The following OTOF variants were observed in gnomAD, a reference collection of about 807,000 sequenced individuals.
The protein encoded by OTOF is otoferlin.
In OTOF, 218 loss-of-function variants were observed where a neutral mutation model predicts 236.8. That is an observed-to-expected ratio of 0.92 (90% CI 0.82 to 1.03). The LOEUF (loss-of-function observed/expected upper bound fraction) is 1.03, where lower values mean the gene tolerates loss of function less well. Among genes scored for constraint, OTOF ranks in the 50% least tolerant of loss-of-function variants. The pLI is 0.00. For synonymous variants in OTOF, 1,041 were observed against 1,072.5 expected (o/e 0.97, Z 0.57); for missense variants, 2,590 against 2,694.4 (o/e 0.96, Z 0.86).
intron 5 of OTOF, among the ~76,000 whole-genome samples, chr2:26,512,172 G>A (rs975362334): frequency 5.9e-5 from 9 of 152,318 alleles, no homozygotes; most frequent in African/African-American, 1.4e-4. Context: ...GGTGGGGGTC[G>A]TGGAGGGCAG....
chr2:26,509,261 AC>A (rs764291185), intron 5 of OTOF, among the ~76,000 whole-genome samples: 2 of 151,944 alleles, frequency 1.3e-5, no homozygotes, highest in African/African-American at 2.4e-5. Context: ...ACCCTTGAGG[AC>A]TCCCTAAGAG....
chr2:26,527,895 C>G lies in OTOF; in HGVS notation c.164G>C (p.Ser55Thr). ...CTCCAGCATCTCATTTCTGTCGATG[C>G]TGCTGGCCACCGGCCACCGAAATGT... Reference protein sequence around the residue: ...DETFRWPVASSIDRNEMLEIQ... With the variant: ...DETFRWPVASTIDRNEMLEIQ... The change falls in exon 3 of 47, where the codon AGC (serine) becomes ACC (threonine). Residue 55 changes from serine to threonine, a missense_variant. By Grantham distance (58) the Ser-to-Thr change is moderately conservative. Coordinates refer to ENST00000272371, the MANE Select transcript of OTOF (RefSeq NM_194248.3). The G allele has an allele frequency of 6.2e-7, 1 of 1,614,082 alleles. No homozygotes were observed. The highest frequency in any genetic ancestry group is 8.5e-7 in the Non-Finnish European group (1 of 1,179,934).
At chr2:26,506,884 G>A (rs924486154) in intron 5 of OTOF, among the ~76,000 whole-genome samples, 5 of 152,118 alleles carry the variant, frequency 3.3e-5, no homozygotes, top group South Asian at 4.2e-4. Flanking sequence ...CCAGTTACTC[G>A]GGAGGCTGAG....
chr2:26,512,279 G>A (rs1488565466), intron 5 of OTOF, among the ~76,000 whole-genome samples: 1 of 152,226 alleles, frequency 6.6e-6, no homozygotes, highest in African/African-American at 2.4e-5. Context: ...TTAGCTGCAA[G>A]ACTAAAGCTG....
intron 8 of OTOF, among the ~76,000 whole-genome samples, chr2:26,501,208 T>A (rs1350481978): frequency 2.6e-5 from 4 of 152,164 alleles, no homozygotes. Context: ...CCTCTCTTTG[T>A]CTCAGTCTTT....
At chr2:26,502,953 T>C (rs1666152635) in intron 6 of OTOF, among the ~76,000 whole-genome samples, 1 of 152,258 alleles carries the variant, frequency 6.6e-6, no homozygotes, top group Non-Finnish European at 1.5e-5. Context: ...TGTATTCATC[T>C]AATGAGATGC....
At chr2:26,534,870 G>T (rs1174144080) in intron 2 of OTOF, among the ~76,000 whole-genome samples, 5 of 152,192 alleles carry the variant, frequency 3.3e-5, no homozygotes, top group African/African-American at 4.8e-5. Flanking sequence ...AAGTCAAGAA[G>T]GTTCAGGGGG....
Position 26,474,680 on chromosome 2 carries a change from G to A in OTOF, c.3127-6C>T, listed in dbSNP as rs779836763. ...CCCATGAAGTCAGCTTTGCCCTGAC[G>A]CAACAGACAACCCAGAAGCCTCTTG... On this transcript the variant is annotated splice_region_variant and splice_polypyrimidine_tract_variant and intron_variant, in intron 25 of 46. Transcript: ENST00000272371. The A allele has an allele frequency of 3.1e-6, 5 of 1,613,138 alleles. No homozygotes were observed. The highest frequency in any genetic ancestry group is 1.7e-5 in the Admixed American group (1 of 60,000).
At chr2:26,487,233 G>T (rs1397902016) in intron 11 of OTOF, among the ~76,000 whole-genome samples, 1 of 152,132 alleles carries the variant, frequency 6.6e-6, no homozygotes, top group Non-Finnish European at 1.5e-5. Flanking sequence ...GTCCAACAAT[G>T]CCCTGGCTGG....
intron 11 of OTOF, among the ~76,000 whole-genome samples, chr2:26,488,051 T>C (rs533084989): frequency 3.0e-4 from 45 of 152,350 alleles, no homozygotes; most frequent in African/African-American, 9.9e-4. Flanking sequence ...GAGTGTTCTA[T>C]GATCTTGTGA....
At position 26,479,605 on chromosome 2, in the gene OTOF, C is replaced by G. The variant is rs184605839; in HGVS notation, c.1961G>C (p.Arg654Pro). 5 of 1,612,306 alleles carry G rather than the reference C, an allele frequency of 3.1e-6. No individual in the cohort carries two copies. The highest frequency in any genetic ancestry group is 4.2e-6 in the Non-Finnish European group (5 of 1,179,730). Residue 654 changes from arginine (R) to proline (P), a missense_variant, in exon 17 of 47, where the codon CGG becomes CCG. By Grantham distance (103) the Arg-to-Pro change is moderately radical. This residue lies in a region of OTOF where 1,379 missense variants were observed against 1,341.6 expected (regional missense o/e 1.03). Coordinates refer to ENST00000272371, the MANE Select transcript of OTOF (RefSeq NM_194248.3). ...CTCATCCCCCGGCTCCTTCCGGGGC[C>G]GAGGCCGCTGGGGCCGGGACAGGCC... The part of the protein sequence containing the change: ...VDGLSRPQRP[R>P]PRKEPGDEEE...
chr2:26,472,533 C>T lies in OTOF; in HGVS notation c.3850G>A (p.Val1284Met), dbSNP rs1665039069. The change falls in exon 30 of 47, where the codon GTG becomes ATG. Residue 1284 changes from valine to methionine, a missense_variant. Around this residue, in one of 2 missense-constraint regions of OTOF, gnomAD observed 1,211 missense variants for 1,352.8 expected, o/e 0.90. Transcript: ENST00000272371. ...EVPIKKLETM[V>M]KLDATSEAVV... Reference sequence around the variant, plus strand: ...ACCCGCCTTACCGCGTCCAGCTTCACCATGGTCTCCAGTTTCTTGATGGGT... The same window carrying T: ...ACCCGCCTTACCGCGTCCAGCTTCATCATGGTCTCCAGTTTCTTGATGGGT... The T allele has an allele frequency of 6.2e-7, 1 of 1,613,448 alleles. No homozygotes were observed. Among genetic ancestry groups the T allele is most frequent in the African/African-American group, 1.3e-5 (1 of 74,936 alleles).
intron 5 of OTOF, among the ~76,000 whole-genome samples, chr2:26,512,927 G>T (rs887507524): frequency 2.6e-5 from 4 of 152,192 alleles, no homozygotes; most frequent in African/African-American, 9.7e-5. Flanking sequence ...GGGGAGGGGG[G>T]TTCCCAATAG....
At chr2:26,496,414 T>C (rs1390097145) in intron 8 of OTOF, among the ~76,000 whole-genome samples, 1 of 151,828 alleles carries the variant, frequency 6.6e-6, no homozygotes, top group Non-Finnish European at 1.5e-5. Context: ...TTTGTATTTT[T>C]TTTTTAGTAG....
At chr2:26,539,729 A>G (rs1667165552) in intron 1 of OTOF, among the ~76,000 whole-genome samples, 2 of 152,204 alleles carry the variant, frequency 1.3e-5, no homozygotes, top group Non-Finnish European at 2.9e-5. Flanking sequence ...GTGAAACTCC[A>G]TCTCAAAAAA....
intron 29 of OTOF, 81 bp from the exon 30 acceptor site, chr2:26,472,730 A>G (rs1665053440): frequency 6.2e-6 from 9 of 1,452,878 alleles, no homozygotes; most frequent in Admixed American, 1.9e-5. Context: ...GAAGGTGCGG[A>G]GAACTAAAGC....
At chr2:26,526,216 G>A (rs1199525084) in intron 3 of OTOF, among the ~76,000 whole-genome samples, 1 of 151,738 alleles carries the variant, frequency 6.6e-6, no homozygotes, top group Non-Finnish European at 1.5e-5. Context: ...AAGATGGAAG[G>A]ATTGGGTTGA....
chr2:26,474,004 T>C lies in OTOF; in HGVS notation c.3395A>G (p.Lys1132Arg). 6.2e-7 allele frequency: 1 copy of C among 1,612,952 alleles called. No homozygotes were observed. The highest frequency in any genetic ancestry group is 8.5e-7 in the Non-Finnish European group (1 of 1,179,856). ...GAGCCCTCGCACCTCCACTCGGTAC[T>C]TGCTGAGCACGGGCCGGATGCCCAT... is the stretch of plus-strand genomic sequence containing the variant. ...VPMGIRPVLS[K>R]YRVEVLFWGL... Residue 1132 changes from lysine to arginine, a missense_variant, in exon 27 of 47, where the codon AAG becomes AGG. Transcript: ENST00000272371.
Position 26,558,718 on chromosome 2 carries a change from G to A in OTOF, c.-147C>T. 1.5e-6 allele frequency: 1 copy of A among 679,226 alleles called. No individual in the cohort carries two copies. Among genetic ancestry groups the A allele is most frequent in the Non-Finnish European group, 2.6e-6 (1 of 391,264 alleles). 42.1% of individuals were successfully genotyped at this position (679,226 alleles called of 1,614,324 possible). Reference sequence around the variant, plus strand: ...TCCGATGCTGCCCACAGAGACCAAGGCAACCAAGCCGAGCTAAGCTGCTCC... The same window carrying A: ...TCCGATGCTGCCCACAGAGACCAAGACAACCAAGCCGAGCTAAGCTGCTCC... On this transcript the variant is annotated 5_prime_UTR_variant, in exon 1 of 47. Coordinates refer to ENST00000272371, the MANE Select transcript of OTOF (RefSeq NM_194248.3).
Sources: gnomAD v4.1 joint callset for allele counts (sites outside exome capture counted in the v4.1 genomes callset) on GRCh38, gnomAD v4.1.1 for gene constraint, gnomAD v4.1.1 regional missense constraint, MANE v1.5 for transcripts, NCBI Gene and HGNC (gene_info 2026-07-23, HGNC 2026-07-21) for gene names.